CELF2: variants seen among roughly 807,000 people sequenced by gnomAD.
CELF2 encodes CUGBP Elav-like family member 2.
CELF2 carries 8 observed loss-of-function variants against 62.6 expected under a neutral mutation model. The ratio of observed to expected loss-of-function variants is 0.13; its 90% CI spans 0.07 to 0.23. CELF2 has a LOEUF of 0.23. Among genes scored for constraint, CELF2 ranks in the 10% least tolerant of loss-of-function variants. The pLI, the probability that CELF2 is intolerant of heterozygous loss-of-function variation, is 1.00. For synonymous variants in CELF2, 258 were observed against 250.0 expected (o/e 1.03, Z -0.30); for missense variants, 333 against 671.0 (o/e 0.50, Z 5.56).
At position 11,008,926 on chromosome 10, in the gene CELF2, GC is replaced by G. The variant is rs1202820451; in HGVS notation, c.53+3487del. 3.5e-5 allele frequency among the ~76,000 whole-genome samples: 5 copies of G among 143,316 alleles called. No homozygotes were observed. Among genetic ancestry groups the G allele is most frequent in the African/African-American group, 1.0e-4 (4 of 39,390 alleles). The allele number at this position is 143,316 out of a possible 152,430, so 94.0% of individuals were successfully genotyped here. On this transcript the variant is annotated intron_variant, in intron 1 of 12. Coordinates refer to the CELF2 transcript ENST00000416382. This position sits in a 1 kb window ranked among gnomAD's most constrained non-coding sequence, Gnocchi z 4.5. Reference sequence around the variant, plus strand: ...GTAATGAGCACAAGTCCATTCAGTGGCAATAATGCCTTCTTGGGTCACCTTT... The same window carrying G: ...GTAATGAGCACAAGTCCATTCAGTGGAATAATGCCTTCTTGGGTCACCTTT...
At chr10:10,650,954 A>C in the CELF2 span, among the ~76,000 whole-genome samples, 1 of 151,884 alleles carries the variant, frequency 6.6e-6, no homozygotes, top group East Asian at 1.9e-4. Flanking sequence ...TTTCCATCTG[A>C]GGTACCGGGT....
chr10:10,590,155 GTGCA>G, the CELF2 span, among the ~76,000 whole-genome samples: 10 of 152,010 alleles, frequency 6.6e-5, no homozygotes, highest in Admixed American at 3.9e-4. Context: ...GTGCACACAT[GTGCA>G]TGCACACACA....
At chr10:11,276,349 C>A (rs1340845433) in intron 8 of CELF2, among the ~76,000 whole-genome samples, 1 of 152,148 alleles carries the variant, frequency 6.6e-6, no homozygotes, top group African/African-American at 2.4e-5. Flanking sequence ...CACCTGGTTC[C>A]GTTGTAACAT....
At chr10:10,820,924 G>A (rs896392460) in intron 1 of CELF2, among the ~76,000 whole-genome samples, 1 of 152,178 alleles carries the variant, frequency 6.6e-6, no homozygotes, top group East Asian at 1.9e-4. Context: ...AGTGAATCTC[G>A]GAGAGCATTC....
At chr10:11,032,245 C>T (rs573008659) in intron 1 of CELF2, among the ~76,000 whole-genome samples, 1 of 150,052 alleles carries the variant, frequency 6.7e-6, no homozygotes, top group East Asian at 2.0e-4. Flanking sequence ...TACCAGAAAA[C>T]CATCCTGGTC....
chr10:10,752,016 G>A, the CELF2 span, among the ~76,000 whole-genome samples: 138 of 152,322 alleles, frequency 9.1e-4, 1 homozygote, highest in Non-Finnish European at 1.7e-3. Context: ...ATTATGACCT[G>A]CTTCGGTCAC....
At chr10:10,733,610 C>CT in the CELF2 span, among the ~76,000 whole-genome samples, 6 of 121,062 alleles carry the variant, frequency 5.0e-5, no homozygotes, top group East Asian at 2.6e-3. Flanking sequence ...TTCAGCATGG[C>CT]TTGGGGGGGC....
chr10:10,724,530 C>T, the CELF2 span, among the ~76,000 whole-genome samples: 1 of 152,024 alleles, frequency 6.6e-6, no homozygotes, highest in Non-Finnish European at 1.5e-5. Context: ...GTGGCAGGTG[C>T]CTGTAATCCC....
the CELF2 span, among the ~76,000 whole-genome samples, chr10:10,555,042 T>A: frequency 5.3e-5 from 8 of 152,158 alleles, no homozygotes; most frequent in East Asian, 1.5e-3. Context: ...GAAAGTCAAG[T>A]CACGAAGGGG....
chr10:10,925,646 G>A (rs2134924742), intron 2 of CELF2, among the ~76,000 whole-genome samples: 1 of 152,224 alleles, frequency 6.6e-6, no homozygotes, highest in East Asian at 1.9e-4. Context: ...AGGCAGTAAG[G>A]ACATCATCCC....
chr10:11,188,946 T>TA (rs1283192652), intron 2 of CELF2, among the ~76,000 whole-genome samples: 1 of 152,254 alleles, frequency 6.6e-6, no homozygotes, highest in Admixed American at 6.5e-5. Flanking sequence ...TTGTAGTTTT[T>TA]AATCTCTAGA....
chr10:10,911,090 C>G (rs1441305370), intron 1 of CELF2, among the ~76,000 whole-genome samples: 2 of 152,224 alleles, frequency 1.3e-5, no homozygotes, highest in Non-Finnish European at 2.9e-5. Flanking sequence ...GCCTCCTCTT[C>G]TTGGGTGGGT....
intron 1 of CELF2, among the ~76,000 whole-genome samples, chr10:10,823,377 G>C (rs900153754): frequency 6.6e-6 from 1 of 152,182 alleles, no homozygotes; most frequent in African/African-American, 2.4e-5. Flanking sequence ...TGAGAGTAAA[G>C]ATCTGGGCAC....
chr10:11,143,177 A>G (rs2132328554), intron 1 of CELF2, among the ~76,000 whole-genome samples: 1 of 152,076 alleles, frequency 6.6e-6, no homozygotes, highest in South Asian at 2.1e-4. Flanking sequence ...ACACTTTTCC[A>G]TTCCATATCT....
intron 2 of CELF2, among the ~76,000 whole-genome samples, chr10:10,937,818 A>G (rs1004182540): frequency 6.6e-6 from 1 of 152,198 alleles, no homozygotes; most frequent in Non-Finnish European, 1.5e-5. Flanking sequence ...AAGTCTAGAT[A>G]GCATGATAGT....
chr10:11,283,653 G>A (rs551255694), intron 8 of CELF2, among the ~76,000 whole-genome samples: 31 of 151,890 alleles, frequency 2.0e-4, no homozygotes, highest in South Asian at 6.3e-4. Context: ...GTTGATGGAC[G>A]ATGGGTGGAT....
At chr10:10,503,256 G>A in the CELF2 span, among the ~76,000 whole-genome samples, 2 of 151,936 alleles carry the variant, frequency 1.3e-5, no homozygotes, top group Non-Finnish European at 2.9e-5. Context: ...TTTGACGGGT[G>A]GTGTTGAGTT....
At chr10:10,617,981 C>T in the CELF2 span, among the ~76,000 whole-genome samples, 10 of 152,258 alleles carry the variant, frequency 6.6e-5, no homozygotes, top group African/African-American at 2.4e-4. Context: ...TCCCTTCCCT[C>T]ATTCCTTCCC....
At chr10:10,700,786 C>G in the CELF2 span, among the ~76,000 whole-genome samples, 3 of 152,218 alleles carry the variant, frequency 2.0e-5, no homozygotes, top group Admixed American at 6.5e-5. Flanking sequence ...TTCTTCACCT[C>G]TCTCTCTTCA....
Sources: gnomAD v4.1 joint callset for allele counts (sites outside exome capture counted in the v4.1 genomes callset) on GRCh38, gnomAD v4.1.1 for gene constraint, Gnocchi (gnomAD v3.1) non-coding constraint, MANE v1.5 for transcripts, NCBI Gene and HGNC (gene_info 2026-07-23, HGNC 2026-07-21) for gene names.